OR52I2: variants seen among roughly 807,000 people sequenced by gnomAD.
The protein encoded by OR52I2 is olfactory receptor 52I2.
For missense variants in OR52I2, 350 were observed against 402.4 expected, an observed-to-expected ratio of 0.87 and a Z score of 1.11; for synonymous variants, 147 against 151.9, an observed-to-expected ratio of 0.97 and a Z score of 0.24.
At chr11:4,592,331 A>G (rs1174943551) in exon 2 of OR52I2, 3 of 152,192 alleles carry the variant, frequency 2.0e-5, no homozygotes, top group African/African-American at 7.2e-5. Flanking sequence ...AGCAAGCGAT[A>G]GAGTAGGGTT....
chr11:4,583,410 G>C (rs998178628), intron 1 of OR52I2, among the ~76,000 whole-genome samples: 1 of 152,166 alleles, frequency 6.6e-6, no homozygotes, highest in Non-Finnish European at 1.5e-5. Flanking sequence ...AGCCAGGGTA[G>C]GAATATCCTG....
chr11:4,586,169 A>G (rs185133660), intron 1 of OR52I2, among the ~76,000 whole-genome samples: 1 of 152,278 alleles, frequency 6.6e-6, no homozygotes, highest in Admixed American at 6.5e-5. Flanking sequence ...CAGGTACTTT[A>G]TTATCTCCTA....
chr11:4,592,473 T>A (rs1158849028), exon 2 of OR52I2: 1 of 152,162 alleles, frequency 6.6e-6, no homozygotes, highest in African/African-American at 2.4e-5. Context: ...CGCTCTATTC[T>A]GATGAAATAG....
chr11:4,593,294 T>G (rs1160407721), exon 2 of OR52I2: 1 of 153,676 alleles, frequency 6.5e-6, no homozygotes, highest in Non-Finnish European at 1.4e-5. Flanking sequence ...ATTTAATCTA[T>G]TAACTGAACC....
chr11:4,582,433 CATTTTTTTT>C (rs1340406578), intron 1 of OR52I2, among the ~76,000 whole-genome samples: 1 of 74,664 alleles, frequency 1.3e-5, no homozygotes, highest in African/African-American at 4.5e-5. Flanking sequence ...ATTTATTTTT[CATTTTTTTT>C]TTTTTTTTTT....
chr11:4,582,434 A>ATTTTTTTTTTTTTTTTTTTTTTTTTTTTT (rs386372959), intron 1 of OR52I2, among the ~76,000 whole-genome samples: 2 of 96,482 alleles, frequency 2.1e-5, no homozygotes, highest in Non-Finnish European at 1.9e-5. Flanking sequence ...TTTATTTTTC[A>ATTTTTTTTTTTTTTTTTTTTTTTTTTTTT]TTTTTTTTTT....
exon 2 of OR52I2, chr11:4,587,176 A>G (rs140789551): frequency 3.1e-6 from 5 of 1,614,078 alleles, no homozygotes; most frequent in African/African-American, 2.7e-5. Context: ...AGACAGCTCA[A>G]TCAGCTTTAG....
intron 1 of OR52I2, among the ~76,000 whole-genome samples, chr11:4,586,512 C>G (rs546341799): frequency 1.5e-3 from 234 of 152,224 alleles, no homozygotes; most frequent in Non-Finnish European, 1.9e-3. Flanking sequence ...GAGACATACA[C>G]CTTAATGCAC....
chr11:4,592,688 G>A (rs1182022586), exon 2 of OR52I2: 1 of 152,152 alleles, frequency 6.6e-6, no homozygotes, highest in Admixed American at 6.6e-5. Context: ...GGAATAGAAT[G>A]GTAGTTAATG....
At chr11:4,587,361 C>G (rs755528998) in exon 2 of OR52I2, 1 of 1,613,174 alleles carries the variant, frequency 6.2e-7, no homozygotes, top group Non-Finnish European at 8.5e-7. Context: ...TCAGAGCTAT[C>G]ATAGCCATAA....
chr11:4,585,385 G>A (rs929718744), intron 1 of OR52I2, among the ~76,000 whole-genome samples: 6 of 152,192 alleles, frequency 3.9e-5, no homozygotes, highest in Admixed American at 1.3e-4. Context: ...ATTCTCACAT[G>A]GCTGGGAAAA....
chr11:4,588,192 C>T, exon 2 of OR52I2: 60 of 290,154 alleles, frequency 2.1e-4, no homozygotes, highest in Middle Eastern at 1.1e-3. Context: ...CTCACCAACT[C>T]TTAAAATGAA....
At chr11:4,586,754 A>AT in intron 1 of OR52I2, 118 bp from the exon 2 acceptor site, 1 of 1,464,146 alleles carries the variant, frequency 6.8e-7, no homozygotes, top group Non-Finnish European at 9.4e-7. Flanking sequence ...CAGATGCCAC[A>AT]TTTTTGATCC....
At chr11:4,587,793 C>A in exon 2 of OR52I2, 2 of 1,614,094 alleles carry the variant, frequency 1.2e-6, no homozygotes, top group Non-Finnish European at 8.5e-7. Flanking sequence ...GCATGAGGAC[C>A]AAACAACTGC....
intron 1 of OR52I2, among the ~76,000 whole-genome samples, chr11:4,585,756 A>C (rs924976926): frequency 6.6e-6 from 1 of 152,192 alleles, no homozygotes; most frequent in Non-Finnish European, 1.5e-5. Context: ...TCATAGCTTA[A>C]ACCCAAAACT....
exon 2 of OR52I2, chr11:4,588,210 A>C: frequency 2.6e-4 from 70 of 266,216 alleles, no homozygotes; most frequent in Middle Eastern, 1.2e-3. Context: ...GAAAGACAAC[A>C]AAGACCGCTC....
exon 2 of OR52I2, chr11:4,588,096 A>G (rs113846139): frequency 2.7e-4 from 147 of 544,746 alleles, no homozygotes; most frequent in African/African-American, 2.6e-3. Context: ...TAGAGAATAC[A>G]CATTTGATTG....
At chr11:4,586,478 C>T (rs895861886) in intron 1 of OR52I2, among the ~76,000 whole-genome samples, 1 of 152,106 alleles carries the variant, frequency 6.6e-6, no homozygotes, top group Non-Finnish European at 1.5e-5. Context: ...ATGGATTACA[C>T]CCTTTGTATA....
chr11:4,584,104 A>T (rs1846280970), intron 1 of OR52I2, among the ~76,000 whole-genome samples: 3 of 152,218 alleles, frequency 2.0e-5, no homozygotes, highest in Admixed American at 1.3e-4. Context: ...GGGTAGGGAT[A>T]TGGCAGCTTC....
Sources: gnomAD v4.1 joint callset for allele counts (sites outside exome capture counted in the v4.1 genomes callset) on GRCh38, gnomAD v4.1.1 for gene constraint, MANE v1.5 for transcripts, NCBI Gene and HGNC (gene_info 2026-07-23, HGNC 2026-07-21) for gene names.